MYO16: variants seen among roughly 807,000 people sequenced by gnomAD.
MYO16 encodes the protein unconventional myosin-XVI.
MYO16 carries 94 observed loss-of-function variants against 205.3 expected under a neutral mutation model. The ratio of observed to expected loss-of-function variants is 0.46; its 90% CI spans 0.39 to 0.54. The LOEUF is 0.54. MYO16 is among the 20% of genes least tolerant of loss of function. The probability of loss-of-function intolerance (pLI) is 0.00; values close to 1 mark genes in which losing one functional copy is unlikely to be tolerated. For synonymous variants in MYO16, 988 were observed against 954.0 expected, an observed-to-expected ratio of 1.04 and a Z score of -0.66; for missense variants, 2,315 against 2,387.5, an observed-to-expected ratio of 0.97 and a Z score of 0.63.
At chr13:108,849,324 G>C (rs890751575) in intron 10 of MYO16, among the ~76,000 whole-genome samples, 4 of 152,028 alleles carry the variant, frequency 2.6e-5, no homozygotes, top group Admixed American at 2.0e-4. Flanking sequence ...CCAAGTAGCT[G>C]GGATTATAGG....
At chr13:108,650,843 G>A (rs147043328) in intron 1 of MYO16, among the ~76,000 whole-genome samples, 4 of 152,284 alleles carry the variant, frequency 2.6e-5, no homozygotes, top group Non-Finnish European at 5.9e-5. Flanking sequence ...AGCATATGAC[G>A]CTTCATCTGA....
intron 9 of MYO16, among the ~76,000 whole-genome samples, chr13:108,842,862 G>A (rs945141113): frequency 2.6e-5 from 4 of 152,024 alleles, no homozygotes; most frequent in East Asian, 1.9e-4. Context: ...TAAGGCCCAC[G>A]AACAGATGAA....
the MYO16 span, among the ~76,000 whole-genome samples, chr13:108,577,928 A>G: frequency 6.6e-6 from 1 of 152,152 alleles, no homozygotes; most frequent in Non-Finnish European, 1.5e-5. Flanking sequence ...GTTGTATTTG[A>G]GTAGCTTAAT....
chr13:109,100,753 T>C (rs1566506314), intron 27 of MYO16, 32 bp from the exon 28 acceptor site: 3 of 1,540,490 alleles, frequency 1.9e-6, no homozygotes, highest in Non-Finnish European at 2.7e-6. Context: ...GCAAATGCAG[T>C]CATTGCTTTC....
In MYO16 at chr13:109,140,635, C is replaced by T. The variant is rs1296300992; in HGVS notation, c.4423C>T (p.His1475Tyr). ...CCCGGGCGCGGGCTCCTTCCTGCTC[C>T]ACGGCGCATCGCCGCCCCTGCTCCA... ...GGPGAGSFLL[H>Y]GASPPLLHRA... The change falls in exon 32 of 35, where the codon CAC (histidine) becomes TAC (tyrosine). Residue 1475 changes from histidine (H) to tyrosine (Y), a missense_variant. Around this residue, in one of 3 missense-constraint regions of MYO16, gnomAD observed 1,097 missense variants for 1,092.0 expected, o/e 1.00. Coordinates refer to ENST00000457511, the MANE Select transcript of MYO16 (RefSeq NM_001198950.3). This position sits in a 1 kb window ranked among gnomAD's most constrained non-coding sequence, Gnocchi z 8.0. 6 of 1,516,198 alleles carry T rather than the reference C, an allele frequency of 4.0e-6. No individual in the cohort carries two copies. The highest frequency in any genetic ancestry group is 1.2e-5 in the South Asian group (1 of 81,510). 93.9% of individuals were successfully genotyped at this position (1,516,198 alleles called of 1,614,324 possible). A position where few individuals can be genotyped will look rare whatever the true frequency, so the allele number is the denominator to read the frequency against.
chr13:109,181,710 T>A (rs1879457132), intron 34 of MYO16, among the ~76,000 whole-genome samples: 1 of 151,990 alleles, frequency 6.6e-6, no homozygotes, highest in Non-Finnish European at 1.5e-5. Flanking sequence ...ACAGTTTGAA[T>A]GGAAATCAAG....
intron 34 of MYO16, among the ~76,000 whole-genome samples, chr13:109,181,422 C>T (rs947763514): frequency 1.3e-5 from 2 of 152,234 alleles, no homozygotes; most frequent in Admixed American, 6.5e-5. Flanking sequence ...AGTATGGACA[C>T]ATGCAGGGAA....
At chr13:108,892,031 T>C (rs1330818861) in intron 14 of MYO16, among the ~76,000 whole-genome samples, 2 of 152,150 alleles carry the variant, frequency 1.3e-5, no homozygotes, top group African/African-American at 2.4e-5. Context: ...ATTTTGCATA[T>C]TTTATACTTG....
At chr13:108,659,958 C>T (rs564145284) in intron 1 of MYO16, among the ~76,000 whole-genome samples, 6 of 151,940 alleles carry the variant, frequency 3.9e-5, no homozygotes, top group Non-Finnish European at 8.8e-5. Context: ...GTAGGAGAGC[C>T]GTGTGTGGTG....
intron 14 of MYO16, among the ~76,000 whole-genome samples, chr13:108,894,804 A>C (rs1436231715): frequency 1.3e-5 from 2 of 152,180 alleles, no homozygotes; most frequent in African/African-American, 2.4e-5. Flanking sequence ...TCCCCCACAA[A>C]GTTTCAGAGC....
At chr13:109,045,275 C>T (rs541615983) in intron 23 of MYO16, among the ~76,000 whole-genome samples, 4 of 152,276 alleles carry the variant, frequency 2.6e-5, no homozygotes, top group South Asian at 2.1e-4. Flanking sequence ...TGTGCACACA[C>T]GGATGTGTAG....
At chr13:108,717,629 C>A (rs1262371727) in intron 3 of MYO16, among the ~76,000 whole-genome samples, 156 of 96,362 alleles carry the variant, frequency 1.6e-3, no homozygotes, top group South Asian at 2.7e-3. Context: ...GACTCCATCT[C>A]AAAAAAAAAA....
rs749977576 is a variant in MYO16, at chr13:108,898,016, G to A, written c.1660G>A (p.Val554Ile). 2.5e-6 allele frequency: 4 copies of A among 1,605,802 alleles called. No homozygotes were observed. Among genetic ancestry groups the A allele is most frequent in the South Asian group, 2.2e-5 (2 of 90,932 alleles). ...RATLDSRFKH[V>I]VCILEAFGHA... ...AGTAAAATGTTCTCCTCTCCCACAG[G>A]TCGTGTGCATCTTAGAAGCCTTTGG... is the stretch of plus-strand genomic sequence containing the variant. The change falls in exon 15 of 35, where the codon GTC (valine) becomes ATC (isoleucine). Residue 554 changes from valine to isoleucine, a missense_variant and splice_region_variant. Physicochemically the swap from Val to Ile is conservative, Grantham distance 29. Transcript: ENST00000457511.
the MYO16 span, among the ~76,000 whole-genome samples, chr13:108,532,478 A>G: frequency 6.6e-6 from 1 of 151,492 alleles, no homozygotes; most frequent in Middle Eastern, 3.4e-3. Context: ...TAACTGAAAG[A>G]GATGGGAGAA....
At chr13:108,952,505 A>G (rs1883195894) in intron 16 of MYO16, among the ~76,000 whole-genome samples, 1 of 152,232 alleles carries the variant, frequency 6.6e-6, no homozygotes, top group Admixed American at 6.5e-5. Flanking sequence ...AAGTGCCTCA[A>G]AAACACCCAG....
chr13:108,621,966 AT>A (rs1331722671), intron 1 of MYO16, among the ~76,000 whole-genome samples: 1 of 151,466 alleles, frequency 6.6e-6, no homozygotes, highest in Non-Finnish European at 1.5e-5. Context: ...ATAGAAATGT[AT>A]AGAAAAAAAA....
At chr13:108,923,700 T>C (rs2139271076) in intron 16 of MYO16, among the ~76,000 whole-genome samples, 1 of 152,356 alleles carries the variant, frequency 6.6e-6, no homozygotes, top group Admixed American at 6.5e-5. Flanking sequence ...CTCTGCTTCT[T>C]AGTGTCTCCT....
Position 108,753,305 on chromosome 13 carries a change from G to A in MYO16, c.507+25722G>A, listed in dbSNP as rs531363337. ...GAATCGCTTGAAACTGGAAGGTGGA[G>A]GTTGCAGTGAGTCAAGATTGTTCCA... On this transcript the variant is annotated intron_variant, in intron 4 of 34. Transcript: ENST00000457511. 3.3e-5 allele frequency among the ~76,000 whole-genome samples: 5 copies of A among 149,696 alleles called. No homozygotes were observed. In the East Asian group the frequency reaches 9.8e-4, roughly 29 times the overall value.
chr13:108,554,848 TAAAAAAAAAAAA>T, the MYO16 span, among the ~76,000 whole-genome samples: 36 of 77,994 alleles, frequency 4.6e-4, no homozygotes, highest in African/African-American at 1.4e-3. Flanking sequence ...AGACTCTGAC[TAAAAAAAAAAAA>T]AAAAAAAAAA....
Sources: gnomAD v4.1 joint callset for allele counts (sites outside exome capture counted in the v4.1 genomes callset) on GRCh38, gnomAD v4.1.1 for gene constraint, gnomAD v4.1.1 regional missense constraint, Gnocchi (gnomAD v3.1) non-coding constraint, MANE v1.5 for transcripts, NCBI Gene and HGNC (gene_info 2026-07-23, HGNC 2026-07-21) for gene names.